The following DACH2 variants were observed in gnomAD, a reference collection of about 807,000 sequenced individuals.
DACH2 encodes dachshund homolog 2.
A neutral mutation model predicts 35.8 loss-of-function variants in DACH2; 17 were observed. The ratio of observed to expected loss-of-function variants is 0.48; its 90% CI spans 0.33 to 0.71. The LOEUF (loss-of-function observed/expected upper bound fraction) is 0.71. Among genes scored for constraint, DACH2 ranks in the 30% least tolerant of loss-of-function variants. The pLI, the probability that DACH2 is intolerant of heterozygous loss-of-function variation, is 0.02. For missense variants in DACH2, 469 were observed against 472.7 expected (o/e 0.99, Z 0.07); for synonymous variants, 195 against 177.3 (o/e 1.10, Z -0.79).
At chrX:86,734,332 A>T (rs1281530664) in intron 6 of DACH2, among the ~76,000 whole-genome samples, 5 of 110,688 alleles carry the variant, frequency 4.5e-5, no homozygotes, top group Non-Finnish European at 9.5e-5. Context: ...CTAATTCGGG[A>T]TTGAAATTAT....
intron 5 of DACH2, among the ~76,000 whole-genome samples, chrX:86,710,100 A>G (rs1166261815): frequency 8.9e-6 from 1 of 112,441 alleles, no homozygotes; most frequent in African/African-American, 3.2e-5. Flanking sequence ...ATTACTAAAA[A>G]TTAGAAACAA....
At chrX:86,359,158 T>A (rs1180455883) in intron 1 of DACH2, among the ~76,000 whole-genome samples, 1 of 109,431 alleles carries the variant, frequency 9.1e-6, no homozygotes, top group African/African-American at 3.3e-5. Flanking sequence ...GCCTTTAATT[T>A]CTTACAGGTA....
intron 2 of DACH2, among the ~76,000 whole-genome samples, chrX:86,458,327 A>T (rs1486497005): frequency 4.5e-5 from 5 of 112,118 alleles, no homozygotes; most frequent in Non-Finnish European, 9.4e-5. Flanking sequence ...ATTGTGTCCT[A>T]GATGAAGACC....
intron 1 of DACH2, among the ~76,000 whole-genome samples, chrX:86,191,474 T>C (rs2031832391): frequency 9.0e-6 from 1 of 110,735 alleles, no homozygotes; most frequent in Admixed American, 9.7e-5. Flanking sequence ...TGGGGCCCAG[T>C]GTAGGGTAGC....
intron 11 of DACH2, among the ~76,000 whole-genome samples, chrX:86,823,686 G>C (rs201197772): frequency 8.9e-6 from 1 of 111,814 alleles, no homozygotes; most frequent in Non-Finnish European, 1.9e-5. Context: ...GTGTCGGCTG[G>C]CTGAGAAATA....
At chrX:86,708,911 T>C (rs1327545443) in intron 5 of DACH2, among the ~76,000 whole-genome samples, 1 of 111,177 alleles carries the variant, frequency 9.0e-6, no homozygotes, top group African/African-American at 3.3e-5. Context: ...CAGGAATATA[T>C]AAATAAATGG....
intron 1 of DACH2, among the ~76,000 whole-genome samples, chrX:86,354,843 T>A (rs1371232173): frequency 2.3e-4 from 3 of 13,038 alleles, no homozygotes; most frequent in East Asian, 0.011. Context: ...TAAAAAAAAA[T>A]AAATGAAAAA....
At chrX:86,644,014 A>T (rs2040382392) in intron 3 of DACH2, among the ~76,000 whole-genome samples, 1 of 111,575 alleles carries the variant, frequency 9.0e-6, no homozygotes, top group East Asian at 2.8e-4. Context: ...CATTATACTG[A>T]ACGTGCAAAA....
intron 7 of DACH2, among the ~76,000 whole-genome samples, chrX:86,770,191 T>C (rs746257379): frequency 3.6e-5 from 4 of 109,595 alleles, no homozygotes; most frequent in Admixed American, 9.8e-5. Flanking sequence ...ATTCAAGCAC[T>C]AATATACCAC....
At chrX:86,478,542 C>CTTT (rs767463672) in intron 2 of DACH2, among the ~76,000 whole-genome samples, 48 of 86,907 alleles carry the variant, frequency 5.5e-4, no homozygotes, top group African/African-American at 1.8e-3. Flanking sequence ...TTTTGTTTTT[C>CTTT]TTTTTTTTTT....
intron 5 of DACH2, among the ~76,000 whole-genome samples, chrX:86,708,991 A>G (rs1429411633): frequency 3.6e-5 from 4 of 111,633 alleles, no homozygotes; most frequent in Non-Finnish European, 7.5e-5. Context: ...CACTTGATCT[A>G]TAGATTCAAT....
At chrX:86,828,067 C>A in intron 11 of DACH2, 1 of 260,016 alleles carries the variant, frequency 3.8e-6, no homozygotes, top group Non-Finnish European at 6.9e-6. Context: ...AAAACATTAT[C>A]ACATTAATTC....
At chrX:86,719,404 A>C (rs2148463796) in intron 6 of DACH2, among the ~76,000 whole-genome samples, 1 of 112,262 alleles carries the variant, frequency 8.9e-6, no homozygotes, top group Admixed American at 9.5e-5. Context: ...TCATCAGTGA[A>C]CTGGGAAAAT....
intron 3 of DACH2, among the ~76,000 whole-genome samples, chrX:86,588,784 G>A (rs753755270): frequency 9.0e-6 from 1 of 110,760 alleles, no homozygotes; most frequent in South Asian, 3.8e-4. Flanking sequence ...GGGTTTCCTA[G>A]GTATTGAATT....
chrX:86,531,987 T>A (rs2038728013), intron 3 of DACH2, among the ~76,000 whole-genome samples: 1 of 113,103 alleles, frequency 8.8e-6, no homozygotes, highest in Non-Finnish European at 1.9e-5. Flanking sequence ...GAGAATATTT[T>A]AGAGCTTTAG....
intron 1 of DACH2, among the ~76,000 whole-genome samples, chrX:86,339,142 G>T (rs1004998869): frequency 9.0e-6 from 1 of 111,602 alleles, no homozygotes; most frequent in Non-Finnish European, 1.9e-5. Context: ...GAGGTACAAA[G>T]AGGAGTTGGT....
intron 1 of DACH2, among the ~76,000 whole-genome samples, chrX:86,287,651 A>T (rs900149091): frequency 2.7e-5 from 3 of 111,557 alleles, no homozygotes; most frequent in African/African-American, 9.8e-5. Context: ...TTATTCTTCT[A>T]CTTGATTGAT....
At chrX:86,399,582 A>G (rs1469451092) in intron 2 of DACH2, among the ~76,000 whole-genome samples, 2 of 111,566 alleles carry the variant, frequency 1.8e-5, no homozygotes, top group Non-Finnish European at 3.8e-5. Context: ...GTCTGGTGTG[A>G]CAGAATCTCT....
chrX:86,613,107 T>G (rs775291668), intron 3 of DACH2, among the ~76,000 whole-genome samples: 1 of 112,454 alleles, frequency 8.9e-6, no homozygotes, highest in Admixed American at 9.4e-5. Context: ...GTTTATTATA[T>G]AAAATATTTC....
Sources: allele counts gnomAD v4.1 joint callset (sites outside exome capture counted in the v4.1 genomes callset), GRCh38; gene constraint gnomAD v4.1.1; transcripts MANE v1.5; gene names NCBI Gene and HGNC (gene_info 2026-07-23, HGNC 2026-07-21).